Variants in PLEKHA3 observed in about 807,000 individuals in gnomAD.
PLEKHA3 encodes pleckstrin homology domain-containing family A member 3.
A neutral mutation model predicts 39.2 loss-of-function variants in PLEKHA3; 19 were observed. The ratio of observed to expected loss-of-function variants is 0.48; its 90% CI spans 0.34 to 0.71. PLEKHA3 has a LOEUF of 0.71. Ranked by LOEUF, PLEKHA3 falls within the 30% of genes least tolerant of loss-of-function variation. PLEKHA3 has a pLI of 0.01. For missense variants in PLEKHA3, 253 were observed against 359.5 expected, an observed-to-expected ratio of 0.70 and a Z score of 2.40; for synonymous variants, 97 against 118.6, an observed-to-expected ratio of 0.82 and a Z score of 1.18.
At chr2:178,486,282 C>A (rs559664124) in intron 2 of PLEKHA3, among the ~76,000 whole-genome samples, 1 of 152,090 alleles carries the variant, frequency 6.6e-6, no homozygotes, top group East Asian at 1.9e-4. Flanking sequence ...CTGTAATTTT[C>A]GTGAAGGAAG....
At chr2:178,495,141 C>T (rs1559384564) in intron 4 of PLEKHA3, among the ~76,000 whole-genome samples, 1 of 152,022 alleles carries the variant, frequency 6.6e-6, no homozygotes, top group Non-Finnish European at 1.5e-5. Context: ...AAGGGTATTC[C>T]ATGTCTGTGT....
At position 178,490,804 on chromosome 2, in the gene PLEKHA3, A is replaced by G. The variant is rs1685331556; in HGVS notation, c.303A>G (p.Lys101=). Residue 101 remains lysine (K), a synonymous_variant, in exon 3 of 8, where the codon AAA becomes AAG. Transcript: ENST00000234453. The part of the protein sequence containing the change: ...SKACLTDTRT[K]KEKEISETSE... Reference sequence around the variant, plus strand: ...CATGTTTGACTGATACAAGGACTAAAAAAGAAAAAGGTAACTATAAACTTT... The same window carrying G: ...CATGTTTGACTGATACAAGGACTAAGAAAGAAAAAGGTAACTATAAACTTT... 2 of 1,606,624 alleles carry G rather than the reference A, an allele frequency of 1.2e-6. No individual in the cohort carries two copies. The highest frequency in any genetic ancestry group is 1.3e-5 in the African/African-American group (1 of 74,396).
rs1685649051 is a variant in PLEKHA3, at chr2:178,509,419, G to A, written c.*5532G>A. ...TAGAAAAGTGCTGGGCACGTAGTGT[G>A]TTGAATAAGTGTTAGTTATTAATAT... is the stretch of plus-strand genomic sequence containing the variant. On this transcript the variant is annotated 3_prime_UTR_variant, in exon 8 of 8. Coordinates refer to ENST00000234453, the MANE Select transcript of PLEKHA3 (RefSeq NM_019091.4). 6.6e-6 allele frequency: 1 copy of A among 151,540 alleles called. No homozygotes were observed. The highest frequency in any genetic ancestry group is 2.1e-4 in the South Asian group (1 of 4,802). The allele number at this position is 151,540 out of a possible 1,614,324, so 9.4% of individuals were successfully genotyped here. A position where few individuals can be genotyped will look rare whatever the true frequency, so the allele number is the denominator to read the frequency against.
chr2:178,485,909 A>G, intron 2 of PLEKHA3, 152 bp downstream of exon 2: 1 of 579,394 alleles, frequency 1.7e-6, no homozygotes, highest in Non-Finnish European at 3.1e-6. Flanking sequence ...ATTTCATCAC[A>G]GTTAACACAA....
At chr2:178,496,528 A>G (rs1402216712) in intron 5 of PLEKHA3, among the ~76,000 whole-genome samples, 1 of 152,158 alleles carries the variant, frequency 6.6e-6, no homozygotes, top group Non-Finnish European at 1.5e-5. Flanking sequence ...GAGATTTAGT[A>G]AAGATTATTG....
At chr2:178,494,455 C>T (rs1685406916) in intron 4 of PLEKHA3, among the ~76,000 whole-genome samples, 1 of 152,146 alleles carries the variant, frequency 6.6e-6, no homozygotes. Flanking sequence ...CTATAATAGG[C>T]TCATTCTTCA....
intron 3 of PLEKHA3, 108 bp from the exon 4 acceptor site, chr2:178,493,745 G>A: frequency 1.1e-6 from 1 of 938,894 alleles, no homozygotes; most frequent in Non-Finnish European, 1.6e-6. Flanking sequence ...CACATTTCTT[G>A]AGCTATAGGT....
rs752402237 is a variant in PLEKHA3 at position 178,515,159 on chromosome 2, C to T, written c.*11272C>T. On this transcript the variant is annotated 3_prime_UTR_variant, in exon 8 of 8. Transcript: ENST00000234453. ...TTTTTTTTCTTTTGGGGGAGTGTGA[C>T]GGCAGTGGATATAGTCTTAGATGAT... 6.3e-5 allele frequency: 9 copies of T among 143,502 alleles called. No individual in the cohort carries two copies. Among genetic ancestry groups the T allele is most frequent in the African/African-American group, 7.8e-5 (3 of 38,644 alleles). 8.9% of individuals were successfully genotyped at this position (143,502 alleles called of 1,614,324 possible).
intron 7 of PLEKHA3, among the ~76,000 whole-genome samples, chr2:178,502,674 C>T (rs1685542805): frequency 6.7e-6 from 1 of 149,368 alleles, no homozygotes; most frequent in East Asian, 2.0e-4. Flanking sequence ...GAATTCTTTT[C>T]TTCTAGTTAC....
Position 178,506,064 on chromosome 2 carries a change from AGT to A in PLEKHA3, c.*2181_*2182del, listed in dbSNP as rs773082667. The stretch of plus-strand genomic sequence containing the variant: ...CATTTTGAGGAGTCCTTTATTTTCA[AGT>A]GTGCCTGACTTTTTTGAATTTTAAG... On this transcript the variant is annotated 3_prime_UTR_variant, in exon 8 of 8. Coordinates refer to ENST00000234453, the MANE Select transcript of PLEKHA3 (RefSeq NM_019091.4). 1 of 152,142 alleles carries A rather than the reference AGT, an allele frequency of 6.6e-6. No individual in the cohort carries two copies. Among genetic ancestry groups the A allele is most frequent in the South Asian group, 2.1e-4 (1 of 4,828 alleles). The allele number at this position is 152,142 out of a possible 1,614,324, so 9.4% of individuals were successfully genotyped here. A position where few individuals can be genotyped will look rare whatever the true frequency, so the allele number is the denominator to read the frequency against.
Position 178,513,056 on chromosome 2 carries a change from GTCTC to G in PLEKHA3, c.*9170_*9173del, listed in dbSNP as rs1221408598. 6.6e-6 allele frequency: 1 copy of G among 152,256 alleles called. No homozygotes were observed. Among genetic ancestry groups the G allele is most frequent in the African/African-American group, 2.4e-5 (1 of 41,256 alleles). 9.4% of individuals were successfully genotyped at this position (152,256 alleles called of 1,614,324 possible). A position where few individuals can be genotyped will look rare whatever the true frequency, so the allele number is the denominator to read the frequency against. The stretch of plus-strand genomic sequence containing the variant: ...GGCACTTTTTTTTTTTTGAGACAGA[GTCTC>G]ACCCTGTCGCCCAGGCTGGAGTGCA... On this transcript the variant is annotated 3_prime_UTR_variant, in exon 8 of 8. Transcript: ENST00000234453.
At chr2:178,503,624 C>T in intron 7 of PLEKHA3, 136 bp from the exon 8 acceptor site, 3 of 885,386 alleles carry the variant, frequency 3.4e-6, no homozygotes, top group Admixed American at 5.7e-5. Flanking sequence ...CTGCATGAAA[C>T]AAACAAGGAA....
At position 178,515,069 on chromosome 2, in the gene PLEKHA3, A is replaced by T. The variant is rs1432940210; in HGVS notation, c.*11182A>T. On this transcript the variant is annotated 3_prime_UTR_variant, in exon 8 of 8. Transcript: ENST00000234453. Reference sequence around the variant, plus strand: ...TTTTTTTTTTTTTTTTTTGTAGCATATGGCTTCCTCTACTGTATGTTGGCA... The same window carrying T: ...TTTTTTTTTTTTTTTTTTGTAGCATTTGGCTTCCTCTACTGTATGTTGGCA... 1.7e-5 allele frequency: 2 copies of T among 115,826 alleles called. No individual in the cohort carries two copies. The highest frequency in any genetic ancestry group is 6.7e-5 in the African/African-American group (2 of 29,942). The allele number at this position is 115,826 out of a possible 1,614,324, so 7.2% of individuals were successfully genotyped here.
chr2:178,484,520 A>T (rs1685217501), intron 1 of PLEKHA3, among the ~76,000 whole-genome samples: 1 of 152,240 alleles, frequency 6.6e-6, no homozygotes, highest in Non-Finnish European at 1.5e-5. Flanking sequence ...TTAAAGTGTA[A>T]GGATGACTGA....
chr2:178,482,526 C>T (rs115385731), intron 1 of PLEKHA3, among the ~76,000 whole-genome samples: 3,067 of 145,260 alleles, frequency 0.021, 53 homozygotes, highest in East Asian at 0.044. Flanking sequence ...ACACTTCAGC[C>T]TGGCTAACAG....
At chr2:178,485,403 A>G (rs778299781) in intron 1 of PLEKHA3, among the ~76,000 whole-genome samples, 3 of 152,240 alleles carry the variant, frequency 2.0e-5, no homozygotes, top group Non-Finnish European at 4.4e-5. Flanking sequence ...AGCTAGAATT[A>G]GAAGTATTAC....
Position 178,515,325 on chromosome 2 carries a change from T to A in PLEKHA3, c.*11438T>A, listed in dbSNP as rs549501547. On this transcript the variant is annotated 3_prime_UTR_variant, in exon 8 of 8. Transcript: ENST00000234453. ...TTCTACCTGTCCTGAAGAGCTCTTA[T>A]GGAAATCATGGTTGAATGTTAGTAA... The A allele has an allele frequency of 1.8e-4, 28 of 152,242 alleles. 1 individual carries two copies. The highest frequency in any genetic ancestry group is 4.1e-4 in the South Asian group (2 of 4,824). 9.4% of individuals were successfully genotyped at this position (152,242 alleles called of 1,614,324 possible).
chr2:178,488,788 T>G (rs1685298085), intron 2 of PLEKHA3, among the ~76,000 whole-genome samples: 1 of 152,252 alleles, frequency 6.6e-6, no homozygotes, highest in Non-Finnish European at 1.5e-5. Context: ...TTGTGTTGAA[T>G]CTACAGATCA....
intron 5 of PLEKHA3, 30 bp from the exon 6 acceptor site, chr2:178,499,181 A>AT (rs1491108898): frequency 6.7e-7 from 1 of 1,492,382 alleles, no homozygotes; most frequent in Non-Finnish European, 9.3e-7. Context: ...GGATTATGCT[A>AT]ATTTTTTTTT....
Sources: gnomAD v4.1 joint callset for allele counts (sites outside exome capture counted in the v4.1 genomes callset) on GRCh38, gnomAD v4.1.1 for gene constraint, MANE v1.5 for transcripts, NCBI Gene and HGNC (gene_info 2026-07-23, HGNC 2026-07-21) for gene names.